The following LDLRAD3 variants were observed in gnomAD, a reference collection of about 807,000 sequenced individuals.
LDLRAD3 encodes low-density lipoprotein receptor class A domain-containing protein 3.
A neutral mutation model predicts 29.4 loss-of-function variants in LDLRAD3; 20 were observed. The ratio of observed to expected loss-of-function variants is 0.68; its 90% CI spans 0.48 to 0.99. LDLRAD3 has a LOEUF of 0.99. Among genes scored for constraint, LDLRAD3 ranks in the 50% least tolerant of loss-of-function variants. The pLI is 0.00. For missense variants in LDLRAD3, 420 were observed against 454.3 expected (o/e 0.92, Z 0.69); for synonymous variants, 157 against 192.7 (o/e 0.81, Z 1.53).
intron 2 of LDLRAD3, among the ~76,000 whole-genome samples, chr11:36,039,964 G>C (rs577008751): frequency 7.2e-5 from 11 of 152,296 alleles, no homozygotes; most frequent in Non-Finnish European, 1.6e-4. Flanking sequence ...TGATGGAAAC[G>C]GCTGATGTGG....
chr11:36,065,577 G>A (rs753755066), intron 2 of LDLRAD3, among the ~76,000 whole-genome samples: 5 of 152,208 alleles, frequency 3.3e-5, no homozygotes, highest in Non-Finnish European at 7.3e-5. Context: ...GACTTGTGGT[G>A]CACTAACGTA....
chr11:36,227,182 G>A lies in LDLRAD3; in HGVS notation c.552G>A (p.Val184=). 1 of 1,614,082 alleles carries A rather than the reference G, an allele frequency of 6.2e-7. No homozygotes were observed. Among genetic ancestry groups the A allele is most frequent in the Non-Finnish European group, 8.5e-7 (1 of 1,179,998 alleles). ...YAIIGSSVIF[V]LVVALLALVL... ...TCATCGGCAGCTCCGTCATTTTTGTGCTGGTGGTGGCCCTGCTGGCACTGG... is the reference window on the plus strand; with the variant it reads ...TCATCGGCAGCTCCGTCATTTTTGTACTGGTGGTGGCCCTGCTGGCACTGG... Residue 184 remains valine, a synonymous_variant, in exon 5 of 6, where the codon GTG becomes GTA. Transcript: ENST00000315571.
intron 1 of LDLRAD3, among the ~76,000 whole-genome samples, chr11:35,957,795 C>CAAAAAA (rs1177748172): frequency 3.0e-4 from 24 of 79,066 alleles, no homozygotes; most frequent in East Asian, 7.0e-4. Context: ...GACCTTATCT[C>CAAAAAA]AAAAAAAAAA....
At chr11:35,960,570 G>C (rs193159318) in intron 1 of LDLRAD3, among the ~76,000 whole-genome samples, 1 of 152,170 alleles carries the variant, frequency 6.6e-6, no homozygotes, top group Admixed American at 6.5e-5. Context: ...CAAGGTGCAA[G>C]GTGGTGACTT....
chr11:36,001,996 C>T (rs188061679), intron 1 of LDLRAD3, among the ~76,000 whole-genome samples: 20 of 152,290 alleles, frequency 1.3e-4, no homozygotes, highest in Non-Finnish European at 2.6e-4. Flanking sequence ...ACCCAGTGAG[C>T]AGCTCTGTTC....
intron 1 of LDLRAD3, among the ~76,000 whole-genome samples, chr11:35,961,952 A>G (rs1590686795): frequency 6.6e-6 from 1 of 152,178 alleles, no homozygotes; most frequent in South Asian, 2.1e-4. Context: ...ATTTTAAGCC[A>G]GGGATGACTG....
chr11:36,119,934 C>A (rs1314834358), intron 4 of LDLRAD3, among the ~76,000 whole-genome samples: 1 of 152,118 alleles, frequency 6.6e-6, no homozygotes, highest in African/African-American at 2.4e-5. Flanking sequence ...TTTACTCTTA[C>A]ATTTTCTTTT....
chr11:36,210,679 A>C (rs1855272922), intron 4 of LDLRAD3, among the ~76,000 whole-genome samples: 1 of 152,136 alleles, frequency 6.6e-6, no homozygotes, highest in Non-Finnish European at 1.5e-5. Context: ...TATAAATATG[A>C]GACATCCAAG....
chr11:36,107,888 G>T (rs755792989), intron 4 of LDLRAD3, among the ~76,000 whole-genome samples: 80 of 152,164 alleles, frequency 5.3e-4, no homozygotes, highest in Non-Finnish European at 9.0e-4. Flanking sequence ...TTATGCCCAG[G>T]AGACAAAGGC....
intron 1 of LDLRAD3, among the ~76,000 whole-genome samples, chr11:35,978,279 C>T (rs932848009): frequency 6.6e-6 from 1 of 152,182 alleles, no homozygotes; most frequent in Admixed American, 6.5e-5. Flanking sequence ...AAACTGTAGT[C>T]GTTTGTGAAT....
At chr11:36,140,192 A>T (rs1590300333) in intron 4 of LDLRAD3, among the ~76,000 whole-genome samples, 2 of 152,204 alleles carry the variant, frequency 1.3e-5, no homozygotes, top group East Asian at 3.9e-4. Context: ...GGCAGTTTGC[A>T]GAAGGGGAAA....
intron 1 of LDLRAD3, among the ~76,000 whole-genome samples, chr11:36,000,504 T>C (rs1309567945): frequency 1.3e-5 from 2 of 152,040 alleles, no homozygotes; most frequent in Non-Finnish European, 2.9e-5. Context: ...TTAAAAAAGA[T>C]AGGAAATGAT....
At chr11:36,072,148 G>A (rs1341572042) in intron 2 of LDLRAD3, among the ~76,000 whole-genome samples, 1 of 152,184 alleles carries the variant, frequency 6.6e-6, no homozygotes, top group Non-Finnish European at 1.5e-5. Flanking sequence ...AGCAGGGGTT[G>A]AAGGTGAGTA....
At chr11:35,995,803 T>C (rs540228545) in intron 1 of LDLRAD3, among the ~76,000 whole-genome samples, 127 of 152,390 alleles carry the variant, frequency 8.3e-4, no homozygotes, top group African/African-American at 3.0e-3. Flanking sequence ...ATTACAGAGA[T>C]GGCTGCCTTC....
intron 2 of LDLRAD3, among the ~76,000 whole-genome samples, chr11:36,057,665 G>T (rs768097789): frequency 2.0e-5 from 3 of 152,156 alleles, no homozygotes; most frequent in African/African-American, 2.4e-5. Flanking sequence ...CTATCTCTTG[G>T]CTGCCCTTCT....
chr11:36,162,440 T>A (rs1361846358), intron 4 of LDLRAD3, among the ~76,000 whole-genome samples: 1 of 152,190 alleles, frequency 6.6e-6, no homozygotes, highest in African/African-American at 2.4e-5. Flanking sequence ...GTCCTTCGTC[T>A]CCTGATTTAT....
intron 4 of LDLRAD3, among the ~76,000 whole-genome samples, chr11:36,223,045 T>A: frequency 6.6e-6 from 1 of 152,134 alleles, no homozygotes; most frequent in Middle Eastern, 3.2e-3. Flanking sequence ...GGAACTTAGG[T>A]CCTAGGCAAC....
chr11:36,010,042 A>G (rs1283744038), intron 1 of LDLRAD3: 2 of 154,372 alleles, frequency 1.3e-5, no homozygotes, highest in Non-Finnish European at 2.9e-5. Context: ...GGGACTGAAG[A>G]GTATAACCTA....
At chr11:36,158,865 G>A (rs1266216499) in intron 4 of LDLRAD3, among the ~76,000 whole-genome samples, 1 of 152,128 alleles carries the variant, frequency 6.6e-6, no homozygotes, top group East Asian at 1.9e-4. Context: ...TGTATACGTT[G>A]TGTAATGATC....
Sources: allele counts gnomAD v4.1 joint callset (sites outside exome capture counted in the v4.1 genomes callset), GRCh38; gene constraint gnomAD v4.1.1; transcripts MANE v1.5; gene names NCBI Gene and HGNC (gene_info 2026-07-23, HGNC 2026-07-21).